Variants in UGGT1 observed in about 807,000 individuals in gnomAD.
The protein encoded by UGGT1 is UDP-glucose glycoprotein glucosyltransferase 1.
Under a neutral mutation model 203.9 loss-of-function variants are expected in UGGT1, and 107 were observed. The ratio of observed to expected loss-of-function variants is 0.52; its 90% CI spans 0.45 to 0.62. The LOEUF (loss-of-function observed/expected upper bound fraction) is 0.62. UGGT1 is among the 20% of genes least tolerant of loss of function. The pLI is 0.00. For missense variants in UGGT1, 1,673 were observed against 1,867.2 expected, an observed-to-expected ratio of 0.90 and a Z score of 1.92; for synonymous variants, 628 against 653.5, an observed-to-expected ratio of 0.96 and a Z score of 0.59.
At chr2:128,145,284 T>C (rs541716911) in intron 17 of UGGT1, among the ~76,000 whole-genome samples, 1 of 152,284 alleles carries the variant, frequency 6.6e-6, no homozygotes, top group South Asian at 2.1e-4. Flanking sequence ...TGGTCACATG[T>C]AGATTTTAAA....
intron 39 of UGGT1, chr2:128,187,166 C>T: frequency 3.2e-6 from 1 of 313,798 alleles, no homozygotes; most frequent in Non-Finnish European, 5.8e-6. Context: ...TCACAACTTA[C>T]AATCTGCTGA....
chr2:128,096,812 T>A (rs1687135458), intron 1 of UGGT1, among the ~76,000 whole-genome samples: 1 of 152,248 alleles, frequency 6.6e-6, no homozygotes, highest in Admixed American at 6.5e-5. Flanking sequence ...AAAATATGGT[T>A]GTGTGCAACC....
At chr2:128,144,070 G>A (rs538190932) in intron 17 of UGGT1, among the ~76,000 whole-genome samples, 16 of 152,242 alleles carry the variant, frequency 1.1e-4, no homozygotes, top group African/African-American at 3.8e-4. Flanking sequence ...TATATAGTCT[G>A]ATAGGTATAT....
chr2:128,156,116 C>T (rs995410699), intron 20 of UGGT1, among the ~76,000 whole-genome samples: 3 of 152,194 alleles, frequency 2.0e-5, no homozygotes, highest in African/African-American at 7.2e-5. Context: ...TTTAAGTCAG[C>T]TATTTTTACC....
chr2:128,150,656 TTTAA>T (rs1240432939), intron 18 of UGGT1, among the ~76,000 whole-genome samples: 5 of 136,406 alleles, frequency 3.7e-5, no homozygotes, highest in African/African-American at 8.0e-5. Context: ...ATTTATTTTT[TTTAA>T]TTAATAACTT....
chr2:128,128,184 C>T (rs1272168400), intron 12 of UGGT1, among the ~76,000 whole-genome samples: 5 of 152,146 alleles, frequency 3.3e-5, no homozygotes, highest in African/African-American at 1.2e-4. Context: ...TATTAAATTG[C>T]ATTCGATTGT....
intron 18 of UGGT1, among the ~76,000 whole-genome samples, chr2:128,152,211 G>A (rs1190901218): frequency 6.6e-6 from 1 of 151,186 alleles, no homozygotes; most frequent in East Asian, 1.9e-4. Context: ...GTCTCACTCT[G>A]TAGCCCAGTG....
chr2:128,159,935 A>G (rs906844981), intron 23 of UGGT1, among the ~76,000 whole-genome samples: 1 of 152,096 alleles, frequency 6.6e-6, no homozygotes, highest in Non-Finnish European at 1.5e-5. Flanking sequence ...TGTTTTAAGT[A>G]TGGAGCCATT....
chr2:128,091,648 TC>T lies in UGGT1; in HGVS notation c.58+234del, dbSNP rs891481873. On this transcript the variant is annotated intron_variant, in intron 1 of 40. Transcript: ENST00000259253. The stretch of plus-strand genomic sequence containing the variant: ...GGCTCTGTTCAGCGGTCTTGAACCT[TC>T]TTTGAAGAGCTTTAGATCCTTGTGC... The T allele has an allele frequency of 8.2e-6, 11 of 1,344,018 alleles. No individual in the cohort carries two copies. The African/African-American group carries it at 1.5e-4, about 19-fold the overall frequency. 83.3% of individuals were successfully genotyped at this position (1,344,018 alleles called of 1,614,324 possible).
At chr2:128,093,278 A>C (rs1257957755) in intron 1 of UGGT1, among the ~76,000 whole-genome samples, 1 of 152,038 alleles carries the variant, frequency 6.6e-6, no homozygotes, top group Non-Finnish European at 1.5e-5. Context: ...CCTATCTTGC[A>C]GTCCTAGGCA....
intron 25 of UGGT1, among the ~76,000 whole-genome samples, chr2:128,163,438 G>C (rs921749367): frequency 2.0e-5 from 3 of 150,272 alleles, no homozygotes; most frequent in African/African-American, 7.4e-5. Flanking sequence ...ATTTTAGGCT[G>C]GGCGTGGTGG....
At chr2:128,126,276 C>G (rs1427810400) in intron 11 of UGGT1, among the ~76,000 whole-genome samples, 3 of 151,218 alleles carry the variant, frequency 2.0e-5, no homozygotes, top group African/African-American at 7.3e-5. Context: ...GAGTCTTGCT[C>G]TGTTGCCCAG....
chr2:128,152,978 T>G, intron 19 of UGGT1, 74 bp downstream of exon 19: 2 of 1,594,160 alleles, frequency 1.3e-6, no homozygotes. Context: ...TTTCAGATTT[T>G]AATATTCTGA....
At chr2:128,154,060 T>C (rs59348784) in intron 19 of UGGT1, among the ~76,000 whole-genome samples, 3,457 of 149,756 alleles carry the variant, frequency 0.023, 61 homozygotes, top group African/African-American at 0.054. Flanking sequence ...CATGTATATA[T>C]ACACACACAC....
intron 34 of UGGT1, 41 bp from the exon 35 acceptor site, chr2:128,179,745 C>CA (rs1558825503): frequency 1.3e-6 from 2 of 1,537,014 alleles, no homozygotes; most frequent in South Asian, 2.3e-5. Context: ...GGTTAAATAA[C>CA]ATTGGAAAGC....
At position 128,191,288 on chromosome 2, in the gene UGGT1, C is replaced by T. The variant is rs569805847; in HGVS notation, c.*1546C>T. On this transcript the variant is annotated 3_prime_UTR_variant, in exon 41 of 41. Coordinates refer to ENST00000259253, the MANE Select transcript of UGGT1 (RefSeq NM_020120.4). ...CAAATATCAAGTAATTTATTTTTTC[C>T]ATTTTCAAATGCAAAAGTTAGCCTA... 6.6e-6 allele frequency: 1 copy of T among 152,144 alleles called. No individual in the cohort carries two copies. The highest frequency in any genetic ancestry group is 1.5e-5 in the Non-Finnish European group (1 of 68,018). The allele number at this position is 152,144 out of a possible 1,614,324, so 9.4% of individuals were successfully genotyped here. A position where few individuals can be genotyped will look rare whatever the true frequency, so the allele number is the denominator to read the frequency against.
intron 38 of UGGT1, among the ~76,000 whole-genome samples, chr2:128,186,476 G>A (rs1691986640): frequency 6.6e-6 from 1 of 151,944 alleles, no homozygotes; most frequent in Admixed American, 6.6e-5. Flanking sequence ...GCATGGTGGC[G>A]GGCCCCTGTA....
At chr2:128,129,316 G>C in intron 13 of UGGT1, 137 bp downstream of exon 13, 2 of 1,043,336 alleles carry the variant, frequency 1.9e-6, no homozygotes, top group Non-Finnish European at 2.6e-6. Flanking sequence ...TTGCTTATAT[G>C]GGACTTTGTG....
At chr2:128,141,464 G>A (rs1032597442) in intron 16 of UGGT1, among the ~76,000 whole-genome samples, 1 of 151,966 alleles carries the variant, frequency 6.6e-6, no homozygotes. Context: ...AATTAAATGG[G>A]CGTGGTGGCA....
Sources: gnomAD v4.1 joint callset for allele counts (sites outside exome capture counted in the v4.1 genomes callset) on GRCh38, gnomAD v4.1.1 for gene constraint, MANE v1.5 for transcripts, NCBI Gene and HGNC (gene_info 2026-07-23, HGNC 2026-07-21) for gene names.